LRR1: variants seen among roughly 807,000 people sequenced by gnomAD.
The protein encoded by LRR1 is leucine-rich repeat protein 1.
Under a neutral mutation model 31.6 loss-of-function variants are expected in LRR1, and 29 were observed. The observed-to-expected ratio is 0.92, with a 90% confidence interval of 0.68 to 1.25. LRR1 has a LOEUF of 1.25. LRR1 is among the 50% of genes most tolerant of loss of function. LRR1 has a pLI of 0.00. For synonymous variants in LRR1, 179 were observed against 181.4 expected (o/e 0.99, Z 0.10); for missense variants, 485 against 487.2 (o/e 1.00, Z 0.04).
Position 49,614,319 on chromosome 14 carries a change from T to C in LRR1, c.1068T>C (p.Ile356=). The change falls in exon 4 of 4, where the codon ATT becomes ATC. Residue 356 remains isoleucine (I), a synonymous_variant. Coordinates refer to ENST00000298288, the MANE Select transcript of LRR1 (RefSeq NM_152329.4). ...HLCQDLDTAK[I]CVCGRFCLNS... ...GCCAAGATTTGGATACCGCAAAAATTTGTGTTTGTGGAAGATTCTGTCTGA... is the reference window on the plus strand; with the variant it reads ...GCCAAGATTTGGATACCGCAAAAATCTGTGTTTGTGGAAGATTCTGTCTGA... The C allele has an allele frequency of 6.2e-7, 1 of 1,613,854 alleles. No homozygotes were observed. Among genetic ancestry groups the C allele is most frequent in the Non-Finnish European group, 8.5e-7 (1 of 1,179,952 alleles).
chr14:49,607,251 T>C (rs577204907), intron 2 of LRR1, 149 bp from the exon 3 acceptor site: 1 of 811,110 alleles, frequency 1.2e-6, no homozygotes, highest in East Asian at 2.7e-5. Context: ...TTAGTCAAAA[T>C]AAAGTACTAA....
Position 49,609,230 on chromosome 14 carries a change from T to TTTTTTTTTTTC in LRR1, c.1004+1119_1004+1120insCTTTTTTTTTT, listed in dbSNP as rs1555326113. 9.7e-3 allele frequency among the ~76,000 whole-genome samples: 1,008 copies of TTTTTTTTTTTC among 104,340 alleles called. 81 individuals are homozygous for TTTTTTTTTTTC. The highest frequency in any genetic ancestry group is 0.033 in the Admixed American group (278 of 8,490). 68.5% of individuals were successfully genotyped at this position (104,340 alleles called of 152,430 possible). ...CCACACCTGGCCCTTTTTTTTTTTT[T>TTTTTTTTTTTC]TTTTTTTTTTTTTGAGACAGGGTCT... is the stretch of plus-strand genomic sequence containing the variant. On this transcript the variant is annotated intron_variant, in intron 3 of 3. Coordinates refer to ENST00000298288, the MANE Select transcript of LRR1 (RefSeq NM_152329.4).
chr14:49,599,526 A>G (rs890684873), intron 1 of LRR1, among the ~76,000 whole-genome samples: 2 of 152,246 alleles, frequency 1.3e-5, no homozygotes, highest in African/African-American at 4.8e-5. Flanking sequence ...TGCGTGAAAC[A>G]AGCGCAAATG....
intron 1 of LRR1, chr14:49,601,071 G>A: frequency 6.2e-7 from 1 of 1,611,410 alleles, no homozygotes; most frequent in Non-Finnish European, 8.5e-7. Flanking sequence ...AAATAACAAG[G>A]CCAGCCACGT....
intron 3 of LRR1, 126 bp downstream of exon 3, chr14:49,608,247 G>T (rs1296193246): frequency 6.9e-6 from 7 of 1,009,908 alleles, no homozygotes; most frequent in Non-Finnish European, 8.2e-6. Flanking sequence ...TGCTATAATG[G>T]TCTTCTTGTT....
intron 1 of LRR1, among the ~76,000 whole-genome samples, chr14:49,601,936 C>T (rs1300275709): frequency 6.6e-6 from 1 of 151,708 alleles, no homozygotes; most frequent in African/African-American, 2.4e-5. Context: ...AGTTCTAGAC[C>T]AGCTTGGCCA....
Position 49,607,621 on chromosome 14 carries a change from A to T in LRR1, c.504A>T (p.Arg168=), listed in dbSNP as rs368469275. Residue 168 remains arginine (R), a synonymous_variant, in exon 3 of 4, where the codon CGA becomes CGT. Coordinates refer to ENST00000298288, the MANE Select transcript of LRR1 (RefSeq NM_152329.4). ...HLQTSYCGLV[R]VDMRMLCLKS... is the part of the protein sequence containing the mutation. ...AGACTTCTTACTGTGGGCTTGTCCG[A>T]GTTGATATGCGTATGCTTTGCTTAA... The T allele has an allele frequency of 5.0e-6, 8 of 1,614,116 alleles. No individual in the cohort carries two copies. Among genetic ancestry groups the T allele is most frequent in the African/African-American group, 1.3e-5 (1 of 74,952 alleles).
intron 3 of LRR1, among the ~76,000 whole-genome samples, chr14:49,613,833 T>G (rs1882604378): frequency 6.6e-6 from 1 of 152,066 alleles, no homozygotes; most frequent in African/African-American, 2.4e-5. Flanking sequence ...AATCAAAAGT[T>G]TGACTTGGGC....
Position 49,599,193 on chromosome 14 carries a change from C to T in LRR1, c.173C>T (p.Thr58Ile), listed in dbSNP as rs1175341287. 4.4e-6 allele frequency: 7 copies of T among 1,606,254 alleles called. No individual in the cohort carries two copies. Among genetic ancestry groups the T allele is most frequent in the Non-Finnish European group, 5.9e-6 (7 of 1,176,854 alleles). ...TCCACCCTGAAGGACAAGCGCGGGA[C>T]CCGCTATGAGGTGCGTGAAGTGGGC... ...LISTLKDKRG[T>I]RYELRENIEQ... The change falls in exon 1 of 4, where the codon ACC (threonine) becomes ATC (isoleucine). Residue 58 changes from threonine (T) to isoleucine (I), a missense_variant. This residue lies in a region of LRR1 where 260 missense variants were observed against 249.6 expected (regional missense o/e 1.04). Transcript: ENST00000298288.
intron 3 of LRR1, among the ~76,000 whole-genome samples, chr14:49,610,912 A>G (rs1594591461): frequency 6.6e-6 from 1 of 152,218 alleles, no homozygotes. Context: ...GGACCAAAGT[A>G]TTACTGAGAA....
intron 3 of LRR1, among the ~76,000 whole-genome samples, chr14:49,611,368 A>C (rs1416495951): frequency 6.6e-6 from 1 of 152,026 alleles, no homozygotes; most frequent in African/African-American, 2.4e-5. Flanking sequence ...CCAGCTACTC[A>C]GGAGGCTGAG....
chr14:49,599,663 C>T (rs971370003), intron 1 of LRR1, among the ~76,000 whole-genome samples: 1 of 151,736 alleles, frequency 6.6e-6, no homozygotes, highest in African/African-American at 2.4e-5. Flanking sequence ...CCGTCTCCCC[C>T]GGGGCCGGCC....
At chr14:49,607,038 T>A (rs965084237) in intron 2 of LRR1, among the ~76,000 whole-genome samples, 29 of 150,966 alleles carry the variant, frequency 1.9e-4, no homozygotes, top group African/African-American at 6.3e-4. Context: ...TTTTGTTATT[T>A]TTTTTTTTTT....
At chr14:49,608,146 G>A (rs1293714843) in intron 3 of LRR1, 25 bp downstream of exon 3, 3 of 1,519,092 alleles carry the variant, frequency 2.0e-6, no homozygotes, top group Non-Finnish European at 2.6e-6. Flanking sequence ...GTCATGTAAT[G>A]TGGTGTCTTT....
In LRR1 at chr14:49,599,005, G is replaced by A; in HGVS notation, c.-16G>A. 6.9e-6 allele frequency: 11 copies of A among 1,599,626 alleles called. No individual in the cohort carries two copies. Among genetic ancestry groups the A allele is most frequent in the Non-Finnish European group, 9.4e-6 (11 of 1,172,404 alleles). ...GTTTCAAAGCCAGCTTGACGTGGTT[G>A]TGGCCGTTGGGCGAGATGAAGCTAC... On this transcript the variant is annotated 5_prime_UTR_variant, in exon 1 of 4. The change creates a new upstream start codon in the 5' untranslated region. Coordinates refer to ENST00000298288, the MANE Select transcript of LRR1 (RefSeq NM_152329.4).
rs71408651 is a variant in LRR1, at chr14:49,608,406, A to ATTTTTTTTTTTT, written c.1004+315_1004+326dup. On this transcript the variant is annotated intron_variant, in intron 3 of 3. Transcript: ENST00000298288. ...ATTCCTTCCCTCCTTACATTGCTTG[A>ATTTTTTTTTTTT]TTTTTTTTTTTTTTTTTTTTTTTTT... 1.2e-3 allele frequency among the ~76,000 whole-genome samples: 26 copies of ATTTTTTTTTTTT among 21,096 alleles called. 1 individual carries two copies. Among genetic ancestry groups the ATTTTTTTTTTTT allele is most frequent in the East Asian group, 4.7e-3 (1 of 214 alleles). 13.8% of individuals were successfully genotyped at this position (21,096 alleles called of 152,430 possible). A position where few individuals can be genotyped will look rare whatever the true frequency, so the allele number is the denominator to read the frequency against.
Position 49,603,671 on chromosome 14 carries a change from G to A in LRR1, c.282+1203G>A, listed in dbSNP as rs1234588336. The A allele has an allele frequency of 3.6e-6, 3 of 822,188 alleles. No individual in the cohort carries two copies. The African/African-American group carries it at 7.2e-5, about 20-fold the overall frequency. 50.9% of individuals were successfully genotyped at this position (822,188 alleles called of 1,614,324 possible). ...TTGTCTACTGTGCCTGGCCCTTACT[G>A]TAATCATTCCTTTTTTTTTTTTTTT... On this transcript the variant is annotated intron_variant, in intron 2 of 3. Transcript: ENST00000298288.
At chr14:49,609,809 G>A (rs1033518298) in intron 3 of LRR1, among the ~76,000 whole-genome samples, 3 of 151,780 alleles carry the variant, frequency 2.0e-5, no homozygotes, top group Non-Finnish European at 4.4e-5. Context: ...CGAGTTCCAG[G>A]AGTTCTCCTG....
intron 1 of LRR1, chr14:49,600,281 T>A: frequency 6.7e-7 from 1 of 1,493,894 alleles, no homozygotes; most frequent in South Asian, 1.1e-5. Flanking sequence ...CAGCCTCATT[T>A]CAAAATGTGA....
Sources: allele counts gnomAD v4.1 joint callset (sites outside exome capture counted in the v4.1 genomes callset), GRCh38; gene constraint gnomAD v4.1.1; regional missense constraint gnomAD v4.1.1; transcripts MANE v1.5; gene names NCBI Gene and HGNC (gene_info 2026-07-23, HGNC 2026-07-21).